EXOSC7: variants seen among roughly 807,000 people sequenced by gnomAD.
EXOSC7 encodes exosome complex component RRP42.
A neutral mutation model predicts 34.3 loss-of-function variants in EXOSC7; 25 were observed. That is an observed-to-expected ratio of 0.73 (90% confidence interval 0.53 to 1.02). The LOEUF is 1.02. Among genes scored for constraint, EXOSC7 ranks in the 50% least tolerant of loss-of-function variants. The probability of loss-of-function intolerance (pLI) is 0.00; values close to 1 mark genes in which losing one functional copy is unlikely to be tolerated. For missense variants in EXOSC7, 370 were observed against 368.5 expected (o/e 1.00, Z -0.03); for synonymous variants, 130 against 143.0 (o/e 0.91, Z 0.65).
chr3:44,988,003 A>G (rs1232091311), intron 1 of EXOSC7, among the ~76,000 whole-genome samples: 4 of 152,154 alleles, frequency 2.6e-5, no homozygotes, highest in African/African-American at 9.7e-5. Flanking sequence ...GTTAGTATAC[A>G]TAACTGTATT....
chr3:44,996,482 C>G (rs1224654114), intron 3 of EXOSC7, among the ~76,000 whole-genome samples: 1 of 152,218 alleles, frequency 6.6e-6, no homozygotes, highest in Non-Finnish European at 1.5e-5. Flanking sequence ...AGCCAACAAT[C>G]TTTCCCTTGC....
chr3:45,012,013 T>C (rs904600525), downstream of EXOSC7, among the ~76,000 whole-genome samples: 2 of 152,268 alleles, frequency 1.3e-5, no homozygotes, highest in Admixed American at 6.5e-5. Flanking sequence ...AGAAGGCAGC[T>C]TTCAAGATGT....
At chr3:45,005,774 C>T (rs141198275) in intron 6 of EXOSC7, among the ~76,000 whole-genome samples, 42 of 152,234 alleles carry the variant, frequency 2.8e-4, no homozygotes, top group Non-Finnish European at 5.4e-4. Context: ...GGGTGGCGAA[C>T]ACTGTCCCCC....
At chr3:44,994,856 G>T (rs1028897555) in intron 3 of EXOSC7, among the ~76,000 whole-genome samples, 2 of 134,864 alleles carry the variant, frequency 1.5e-5, no homozygotes, top group African/African-American at 2.8e-5. Context: ...TGGAAGAATG[G>T]GTGTGTGTGT....
intron 2 of EXOSC7, 134 bp downstream of exon 2, chr3:44,989,375 A>AGGGG: frequency 1.2e-6 from 1 of 825,538 alleles, no homozygotes; most frequent in Non-Finnish European, 2.0e-6. Flanking sequence ...AAACTCAGGG[A>AGGGG]GGGGGGGTCT....
At chr3:44,989,519 G>C in intron 2 of EXOSC7, 31 bp from the exon 3 acceptor site, 1 of 1,554,854 alleles carries the variant, frequency 6.4e-7, no homozygotes, top group Non-Finnish European at 8.9e-7. Flanking sequence ...TGCATACTCT[G>C]AGTGAGGACT....
rs748742138 is a variant in EXOSC7, at chr3:45,005,323, A to G, written c.524A>G (p.Glu175Gly). Residue 175 changes from glutamate to glycine, a missense_variant, in exon 6 of 8, where the codon GAG (glutamate) becomes GGG (glycine). This residue lies in a region of EXOSC7 where 255 missense variants were observed against 246.4 expected (regional missense o/e 1.03). Coordinates refer to ENST00000265564, the MANE Select transcript of EXOSC7 (RefSeq NM_015004.4). ...IPRVRVLEDE[E>G]GSKDIELSDD... ...AGGGTTCGAGTTTTGGAGGATGAAG[A>G]GGGGTCGAAGGACATTGAATTGTCA... The G allele has an allele frequency of 2.5e-6, 4 of 1,614,016 alleles. No homozygotes were observed. The highest frequency in any genetic ancestry group is 3.4e-6 in the Non-Finnish European group (4 of 1,179,998).
Position 44,989,593 on chromosome 3 carries a change from C to T in EXOSC7, c.203C>T (p.Thr68Met), listed in dbSNP as rs754614806. The change falls in exon 3 of 8, where the codon ACG (threonine) becomes ATG (methionine). Residue 68 changes from threonine (T) to methionine (M), a missense_variant. Physicochemically the swap from Thr to Met is moderately conservative, Grantham distance 81. Around this residue, in one of 3 missense-constraint regions of EXOSC7, gnomAD observed 20 missense variants for 42.2 expected, o/e 0.47. Transcript: ENST00000265564. ...GTGGGAGTGAAAGCAGAAATGGGGA[C>T]GCCGAAGCTGGAGAAACCAAATGAA... Reference protein sequence around the residue: ...ILVGVKAEMGTPKLEKPNEGY... With the variant: ...ILVGVKAEMGMPKLEKPNEGY... 4.2e-5 allele frequency: 67 copies of T among 1,613,822 alleles called. 1 individual carries two copies. The highest frequency in any genetic ancestry group is 3.5e-4 in the Admixed American group (21 of 59,986).
intron 5 of EXOSC7, 112 bp from the exon 6 acceptor site, chr3:45,005,179 T>C: frequency 8.2e-7 from 1 of 1,215,082 alleles, no homozygotes; most frequent in Non-Finnish European, 1.2e-6. Flanking sequence ...AGAATAGGCA[T>C]AGCGTGTCTT....
rs1376676675 is a variant in EXOSC7, at chr3:44,989,558, A to G, written c.168A>G (p.Thr56=). The G allele has an allele frequency of 1.9e-6, 3 of 1,613,882 alleles. No individual in the cohort carries two copies. The highest frequency in any genetic ancestry group is 1.7e-6 in the Non-Finnish European group (2 of 1,179,814). The change falls in exon 3 of 8, where the codon ACA becomes ACG. Residue 56 remains threonine, a synonymous_variant. Coordinates refer to ENST00000265564, the MANE Select transcript of EXOSC7 (RefSeq NM_015004.4). ...CTTGCATGTGTCTGCAGGGTCACAC[A>G]GACATCTTGGTGGGAGTGAAAGCAG... ...SGSARVKLGH[T]DILVGVKAEM...
At chr3:44,992,481 C>T (rs997127085) in intron 3 of EXOSC7, among the ~76,000 whole-genome samples, 2 of 152,144 alleles carry the variant, frequency 1.3e-5, no homozygotes, top group Non-Finnish European at 1.5e-5. Context: ...TCGCCACCTC[C>T]ATAATTTACC....
At chr3:44,983,495 T>G (rs1706328090) in intron 1 of EXOSC7, among the ~76,000 whole-genome samples, 1 of 152,164 alleles carries the variant, frequency 6.6e-6, no homozygotes, top group South Asian at 2.1e-4. Context: ...ACAACAGAGA[T>G]TTAAGTATAA....
At chr3:44,977,809 AC>A (rs1183790913) in intron 1 of EXOSC7, among the ~76,000 whole-genome samples, 3 of 152,050 alleles carry the variant, frequency 2.0e-5, no homozygotes, top group Non-Finnish European at 4.4e-5. Context: ...TGATGTAGTG[AC>A]TCTGTCATGT....
At chr3:45,010,826 T>A (rs1199635266) in intron 7 of EXOSC7, among the ~76,000 whole-genome samples, 2 of 152,170 alleles carry the variant, frequency 1.3e-5, no homozygotes, top group African/African-American at 2.4e-5. Flanking sequence ...CTGTTTCTTC[T>A]CCAGACAGAC....
rs145100368 is a variant in EXOSC7 at position 45,007,517 on chromosome 3, G to A, written c.713G>A (p.Cys238Tyr). The A allele has an allele frequency of 9.3e-6, 15 of 1,613,978 alleles. No individual in the cohort carries two copies. The African/African-American group carries it at 2.0e-4, about 22-fold the overall frequency. Residue 238 changes from cysteine to tyrosine, a missense_variant, in exon 7 of 8, where the codon TGC becomes TAC. By Grantham distance (194) the Cys-to-Tyr change is radical. Coordinates refer to ENST00000265564, the MANE Select transcript of EXOSC7 (RefSeq NM_015004.4). ...VSVTSKGVVT[C>Y]MRKVGKGSLD... is the part of the protein sequence containing the mutation. The stretch of plus-strand genomic sequence containing the variant: ...GTGACCAGCAAGGGAGTTGTGACGT[G>A]CATGAGGAAAGTGGGGAAGGGCAGC...
At chr3:44,995,597 T>C (rs1015556269) in intron 3 of EXOSC7, among the ~76,000 whole-genome samples, 44 of 152,204 alleles carry the variant, frequency 2.9e-4, no homozygotes, top group African/African-American at 9.6e-4. Context: ...AAAAACCTGG[T>C]CCCTGTTGAC....
At chr3:44,984,345 A>G (rs1706349251) in intron 1 of EXOSC7, among the ~76,000 whole-genome samples, 1 of 152,068 alleles carries the variant, frequency 6.6e-6, no homozygotes, top group Non-Finnish European at 1.5e-5. Flanking sequence ...GCATGTTGAC[A>G]TGTGCCTGTA....
At chr3:44,994,260 AAAGAT>A (rs1706654699) in intron 3 of EXOSC7, among the ~76,000 whole-genome samples, 1 of 136,522 alleles carries the variant, frequency 7.3e-6, no homozygotes, top group Admixed American at 7.5e-5. Flanking sequence ...AAAAAAAAAA[AAAGAT>A]AAGGTCTCCC....
intron 3 of EXOSC7, among the ~76,000 whole-genome samples, chr3:44,992,245 C>A (rs1484382673): frequency 6.6e-6 from 1 of 152,068 alleles, no homozygotes; most frequent in East Asian, 1.9e-4. Flanking sequence ...ATAGTTGCTG[C>A]CCAGTGGAAG....
Sources: gnomAD v4.1 joint callset for allele counts (sites outside exome capture counted in the v4.1 genomes callset) on GRCh38, gnomAD v4.1.1 for gene constraint, gnomAD v4.1.1 regional missense constraint, MANE v1.5 for transcripts, NCBI Gene and HGNC (gene_info 2026-07-23, HGNC 2026-07-21) for gene names.